NKAIN2: variants seen among roughly 807,000 people sequenced by gnomAD.
NKAIN2 encodes the protein sodium/potassium-transporting ATPase subunit beta-1-interacting protein 2.
A neutral mutation model predicts 32.6 loss-of-function variants in NKAIN2; 14 were observed. The ratio of observed to expected loss-of-function variants is 0.43; its 90% CI spans 0.28 to 0.67. NKAIN2 has a LOEUF of 0.67. Among genes scored for constraint, NKAIN2 ranks in the 30% least tolerant of loss-of-function variants. The pLI is 0.17. For missense variants in NKAIN2, 198 were observed against 258.3 expected, an observed-to-expected ratio of 0.77 and a Z score of 1.60; for synonymous variants, 80 against 87.2, an observed-to-expected ratio of 0.92 and a Z score of 0.46.
chr6:124,310,397 T>C (rs1796665903), intron 2 of NKAIN2, among the ~76,000 whole-genome samples: 1 of 152,186 alleles, frequency 6.6e-6, no homozygotes, highest in African/African-American at 2.4e-5. Flanking sequence ...TAATGATCTT[T>C]CTGAAATCAT....
chr6:124,709,922 T>C (rs1035238335), intron 4 of NKAIN2, among the ~76,000 whole-genome samples: 1 of 152,168 alleles, frequency 6.6e-6, no homozygotes, highest in African/African-American at 2.4e-5. Flanking sequence ...ATTGTAATGT[T>C]AGGGTGTCAA....
intron 1 of NKAIN2, among the ~76,000 whole-genome samples, chr6:123,857,289 A>AT (rs887458731): frequency 6.6e-6 from 1 of 150,898 alleles, no homozygotes; most frequent in African/African-American, 2.4e-5. Context: ...ATATGTGATG[A>AT]TTATTGGACA....
At chr6:124,252,776 G>A (rs1318063543) in intron 1 of NKAIN2, among the ~76,000 whole-genome samples, 1 of 151,998 alleles carries the variant, frequency 6.6e-6, no homozygotes, top group East Asian at 1.9e-4. Context: ...CTACCTTTGT[G>A]ATTTTAGGCA....
chr6:124,026,705 T>G (rs900245936), intron 1 of NKAIN2, among the ~76,000 whole-genome samples: 1 of 152,200 alleles, frequency 6.6e-6, no homozygotes, highest in Non-Finnish European at 1.5e-5. Flanking sequence ...CAATCAGTGT[T>G]AGCACAAAAT....
At position 124,533,410 on chromosome 6, in the gene NKAIN2, A is replaced by T. The variant is rs4896402; in HGVS notation, c.274-124776A>T. ...TGGCGTGAACCCGGGAGGTGGAGCTAGCAGTGAGCCGAGATTGCACCACTG... is the reference window on the plus strand; with the variant it reads ...TGGCGTGAACCCGGGAGGTGGAGCTTGCAGTGAGCCGAGATTGCACCACTG... On this transcript the variant is annotated intron_variant, in intron 3 of 6. Coordinates refer to ENST00000368417, the MANE Select transcript of NKAIN2 (RefSeq NM_001040214.3). Among the ~76,000 whole-genome samples the T allele has an allele frequency of 4.3e-3, 580 of 133,826 alleles. 15 individuals carry two copies. The highest frequency in any genetic ancestry group is 0.038 in the Admixed American group (445 of 11,748). 87.8% of individuals were successfully genotyped at this position (133,826 alleles called of 152,430 possible).
chr6:123,962,721 T>A (rs1235770002), intron 1 of NKAIN2, among the ~76,000 whole-genome samples: 4 of 152,134 alleles, frequency 2.6e-5, no homozygotes, highest in African/African-American at 9.7e-5. Flanking sequence ...ACACATTATG[T>A]AACCACGCCA....
At chr6:123,911,902 G>A (rs1477191123) in intron 1 of NKAIN2, among the ~76,000 whole-genome samples, 1 of 147,298 alleles carries the variant, frequency 6.8e-6, no homozygotes, top group Non-Finnish European at 1.5e-5. Context: ...TTCAAACTGG[G>A]CATCAACCAA....
chr6:124,656,377 G>T (rs1167680075), intron 3 of NKAIN2, among the ~76,000 whole-genome samples: 4 of 151,584 alleles, frequency 2.6e-5, no homozygotes, highest in Non-Finnish European at 5.9e-5. Context: ...AAAGTTGTAT[G>T]CTTTGTGTTT....
chr6:124,457,464 A>G (rs1449747236), intron 3 of NKAIN2, among the ~76,000 whole-genome samples: 4 of 151,930 alleles, frequency 2.6e-5, no homozygotes, highest in African/African-American at 9.7e-5. Context: ...TGTGTGATAC[A>G]ATATTTTCTA....
intron 4 of NKAIN2, among the ~76,000 whole-genome samples, chr6:124,759,979 A>G (rs1778183705): frequency 6.6e-6 from 1 of 152,040 alleles, no homozygotes; most frequent in South Asian, 2.1e-4. Flanking sequence ...GCCATTTTTC[A>G]TAATCCCAGG....
chr6:124,141,656 G>C (rs1161253711), intron 1 of NKAIN2, among the ~76,000 whole-genome samples: 2 of 151,892 alleles, frequency 1.3e-5, no homozygotes, highest in Non-Finnish European at 2.9e-5. Flanking sequence ...TTAAGTGTGG[G>C]AACTGGATTT....
chr6:123,971,979 G>T (rs1344603858), intron 1 of NKAIN2, among the ~76,000 whole-genome samples: 3 of 152,110 alleles, frequency 2.0e-5, no homozygotes, highest in Admixed American at 6.6e-5. Flanking sequence ...TTCTGCCTCT[G>T]CCACCCCTGA....
At chr6:124,790,062 T>TG (rs1779676347) in intron 4 of NKAIN2, among the ~76,000 whole-genome samples, 1 of 151,888 alleles carries the variant, frequency 6.6e-6, no homozygotes, top group African/African-American at 2.4e-5. Context: ...TGGGCACTGC[T>TG]GCTTCCTGTA....
intron 1 of NKAIN2, among the ~76,000 whole-genome samples, chr6:124,055,914 T>G (rs748485405): frequency 2.6e-5 from 4 of 152,070 alleles, no homozygotes; most frequent in Non-Finnish European, 5.9e-5. Flanking sequence ...TTAACTAAAA[T>G]GGTTGAATTT....
chr6:124,725,832 G>C (rs527968565), intron 4 of NKAIN2, among the ~76,000 whole-genome samples: 1 of 152,184 alleles, frequency 6.6e-6, no homozygotes, highest in Non-Finnish European at 1.5e-5. Flanking sequence ...GACAGTGGGC[G>C]CAGGTCAGTG....
intron 5 of NKAIN2, among the ~76,000 whole-genome samples, chr6:124,796,020 A>G (rs1182678333): frequency 1.3e-5 from 2 of 152,150 alleles, no homozygotes; most frequent in Non-Finnish European, 2.9e-5. Flanking sequence ...TCTAAGCCAG[A>G]GCCACAGTTT....
At chr6:123,897,214 A>G (rs1774326895) in intron 1 of NKAIN2, among the ~76,000 whole-genome samples, 1 of 152,174 alleles carries the variant, frequency 6.6e-6, no homozygotes, top group Non-Finnish European at 1.5e-5. Flanking sequence ...CCCCATAGCC[A>G]AAAGCAAAGC....
intron 3 of NKAIN2, among the ~76,000 whole-genome samples, chr6:124,358,067 T>C (rs2114257185): frequency 6.6e-6 from 1 of 152,302 alleles, no homozygotes; most frequent in Non-Finnish European, 1.5e-5. Context: ...AGAATGATGG[T>C]TTCCAGCTTC....
chr6:124,009,941 A>G (rs185651727), intron 1 of NKAIN2, among the ~76,000 whole-genome samples: 7 of 152,026 alleles, frequency 4.6e-5, no homozygotes, highest in East Asian at 1.9e-4. Flanking sequence ...GTATGTATAT[A>G]TGTGTGTGTG....
Sources: gnomAD v4.1 joint callset for allele counts (sites outside exome capture counted in the v4.1 genomes callset) on GRCh38, gnomAD v4.1.1 for gene constraint, MANE v1.5 for transcripts, NCBI Gene and HGNC (gene_info 2026-07-23, HGNC 2026-07-21) for gene names.